Variants in MCF2L observed in about 807,000 individuals in gnomAD.
The protein encoded by MCF2L is guanine nucleotide exchange factor DBS.
In MCF2L, 97 loss-of-function variants were observed where a neutral mutation model predicts 153.4. The observed-to-expected ratio is 0.63, with a 90% CI of 0.54 to 0.75. The LOEUF (loss-of-function observed/expected upper bound fraction) is 0.75. MCF2L is among the 30% of genes least tolerant of loss of function. The pLI, the probability that MCF2L is intolerant of heterozygous loss-of-function variation, is 0.00. For synonymous variants in MCF2L, 659 were observed against 632.2 expected, an observed-to-expected ratio of 1.04 and a Z score of -0.64; for missense variants, 1,347 against 1,495.2, an observed-to-expected ratio of 0.90 and a Z score of 1.64.
chr13:113,036,043 C>G (rs2086133699), intron 3 of MCF2L, among the ~76,000 whole-genome samples: 1 of 152,108 alleles, frequency 6.6e-6, no homozygotes, highest in African/African-American at 2.4e-5. Context: ...CAGGATTTTG[C>G]ATCACAAACA....
chr13:112,958,363 G>A (rs975609665), intron 2 of MCF2L, among the ~76,000 whole-genome samples: 1 of 152,216 alleles, frequency 6.6e-6, no homozygotes, highest in East Asian at 1.9e-4. Context: ...GCTTCTCCGG[G>A]GGACCCTGTC....
At position 113,012,604 on chromosome 13, in the gene MCF2L, CTG is replaced by C. The variant is rs777605598; in HGVS notation, c.80-2156_80-2155del. Among the ~76,000 whole-genome samples, 2 of 102,732 alleles carry C rather than the reference CTG, an allele frequency of 1.9e-5. 1 individual carries two copies. The highest frequency in any genetic ancestry group is 4.1e-5 in the Non-Finnish European group (2 of 48,794). 67.4% of individuals were successfully genotyped at this position (102,732 alleles called of 152,430 possible). ...GACACTGCAGTGTGGACTGTGGACACTGTGATGCGGACGGTGGACAGGCGGTG... is the reference window on the plus strand; with the variant it reads ...GACACTGCAGTGTGGACTGTGGACACTGATGCGGACGGTGGACAGGCGGTG... On this transcript the variant is annotated intron_variant, in intron 1 of 29. Coordinates refer to ENST00000535094, the MANE Select transcript of MCF2L (RefSeq NM_001112732.3).
Position 112,932,683 on chromosome 13 carries a change from C to T in MCF2L, c.169+30312C>T, listed in dbSNP as rs564691240. Among the ~76,000 whole-genome samples, 3 of 152,218 alleles carry T rather than the reference C, an allele frequency of 2.0e-5. No individual in the cohort carries two copies. Among genetic ancestry groups the T allele is most frequent in the African/African-American group, 4.8e-5 (2 of 41,536 alleles). On this transcript the variant is annotated intron_variant, in intron 2 of 29. Transcript: ENST00000375608. This position sits in a 1 kb window ranked among gnomAD's most constrained non-coding sequence, Gnocchi z 4.6. The stretch of plus-strand genomic sequence containing the variant: ...ACTTAAAAAAGAAGCATCTCAGTAC[C>T]GTCAGTGGGCCTGTGTGGCCCCTCA...
rs201119257 is a variant in MCF2L, at chr13:113,064,463, G to C, written c.606+43G>C. 1 of 1,239,374 alleles carries C rather than the reference G, an allele frequency of 8.1e-7. No individual in the cohort carries two copies. The highest frequency in any genetic ancestry group is 1.2e-6 in the Non-Finnish European group (1 of 845,798). The allele number at this position is 1,239,374 out of a possible 1,614,324, so 76.8% of individuals were successfully genotyped here. ...CAGCGGGGCTGGCTGATACCAGCTCGAGTACTTCCACAGAATCGCTCTTGC... is the reference window on the plus strand; with the variant it reads ...CAGCGGGGCTGGCTGATACCAGCTCCAGTACTTCCACAGAATCGCTCTTGC... On this transcript the variant is annotated intron_variant, in intron 6 of 29. Coordinates refer to ENST00000535094, the MANE Select transcript of MCF2L (RefSeq NM_001112732.3). The surrounding 1 kb of genome is among the most constrained non-coding windows in gnomAD (Gnocchi z 6.0).
At chr13:113,089,268 G>A (rs899232604) in intron 25 of MCF2L, among the ~76,000 whole-genome samples, 1 of 135,192 alleles carries the variant, frequency 7.4e-6, no homozygotes, top group Non-Finnish European at 1.6e-5. Context: ...ACTTAGAAGT[G>A]TGTGGCCCCT....
chr13:112,898,953 C>CT (rs1328509366), intron 1 of MCF2L, among the ~76,000 whole-genome samples: 3 of 152,220 alleles, frequency 2.0e-5, no homozygotes, highest in Admixed American at 6.5e-5. Flanking sequence ...CCTGTGCCCC[C>CT]TCCCAGGGAG....
chr13:112,973,757 C>A (rs1304885412), intron 1 of MCF2L, among the ~76,000 whole-genome samples: 1 of 152,204 alleles, frequency 6.6e-6, no homozygotes, highest in Non-Finnish European at 1.5e-5. Flanking sequence ...CTTGGAGCGC[C>A]CTTCAGGGAG....
chr13:113,060,075 G>T (rs539975828), intron 4 of MCF2L, among the ~76,000 whole-genome samples: 1 of 152,132 alleles, frequency 6.6e-6, no homozygotes, highest in South Asian at 2.1e-4. Context: ...CTCTCTGCTC[G>T]AGGCCTCTCC....
intron 1 of MCF2L, among the ~76,000 whole-genome samples, chr13:112,971,809 G>A (rs953541521): frequency 6.6e-6 from 1 of 152,198 alleles, no homozygotes. Context: ...CCCCTTCTAT[G>A]TGATAGGGCT....
chr13:113,028,425 G>A lies in MCF2L; in HGVS notation c.278+3667G>A, dbSNP rs1204204001. ...CCCCACTTGTCTGTCTGCTTCTCCT[G>A]AGATCCAGGAATCTCAGATGGGTCC... On this transcript the variant is annotated intron_variant, in intron 3 of 29. Transcript: ENST00000535094. This position sits in a 1 kb window ranked among gnomAD's most constrained non-coding sequence, Gnocchi z 5.4. 6.6e-6 allele frequency among the ~76,000 whole-genome samples: 1 copy of A among 152,200 alleles called. No individual in the cohort carries two copies. The highest frequency in any genetic ancestry group is 1.5e-5 in the Non-Finnish European group (1 of 68,036).
At chr13:113,087,658 CA>C (rs2034762126) in intron 22 of MCF2L, 48 bp from the exon 23 acceptor site, 1 of 1,470,804 alleles carries the variant, frequency 6.8e-7, no homozygotes, top group African/African-American at 1.4e-5. Context: ...AAAAACAAGG[CA>C]GTGGGTTCAC....
In MCF2L at chr13:113,060,636, C is replaced by T. The variant is rs935650846; in HGVS notation, c.413C>T (p.Pro138Leu). 3 of 1,613,646 alleles carry T rather than the reference C, an allele frequency of 1.9e-6. No individual in the cohort carries two copies. Among genetic ancestry groups the T allele is most frequent in the Non-Finnish European group, 2.5e-6 (3 of 1,179,988 alleles). The change falls in exon 5 of 30, where the codon CCG becomes CTG. Residue 138 changes from proline to leucine, a missense_variant. Coordinates refer to ENST00000535094, the MANE Select transcript of MCF2L (RefSeq NM_001112732.3). ...CTGCAGCTCGTCCTCGTGCTTCGCC[C>T]GACGGGTTTTTTCCAAAGGACTCTC... ...ANLQLVLVLR[P>L]TGFFQRTLSD...
intron 2 of MCF2L, among the ~76,000 whole-genome samples, chr13:112,948,189 C>T (rs770273764): frequency 1.1e-3 from 167 of 152,272 alleles, no homozygotes; most frequent in Middle Eastern, 3.4e-3. Flanking sequence ...CCCTTGGGGC[C>T]GTTAGTCCAT....
rs576808641 is a variant in MCF2L, at chr13:113,062,514, G to A, written c.490-1790G>A. 7.3e-4 allele frequency among the ~76,000 whole-genome samples: 111 copies of A among 152,134 alleles called. 1 individual carries two copies. Among genetic ancestry groups the A allele is most frequent in the African/African-American group, 2.6e-3 (109 of 41,508 alleles). ...CAGACGTGTCACGGGGAGCAAGACCGACCTCACGGGTCATCCATGCCACAG... is the reference window on the plus strand; with the variant it reads ...CAGACGTGTCACGGGGAGCAAGACCAACCTCACGGGTCATCCATGCCACAG... On this transcript the variant is annotated intron_variant, in intron 5 of 29. Transcript: ENST00000535094.
rs537547378 is a variant in MCF2L, at chr13:112,979,033, C to T, written c.79+9575C>T. Reference sequence around the variant, plus strand: ...GAGGGTGGGAGCTGCTGGCTTGGGACGGGCTCAACACCTCTTGGGGAAAAG... The same window carrying T: ...GAGGGTGGGAGCTGCTGGCTTGGGATGGGCTCAACACCTCTTGGGGAAAAG... On this transcript the variant is annotated intron_variant, in intron 1 of 29. Coordinates refer to ENST00000535094, the MANE Select transcript of MCF2L (RefSeq NM_001112732.3). Among the ~76,000 whole-genome samples the T allele has an allele frequency of 1.3e-3, 205 of 152,304 alleles. 1 individual carries two copies. The highest frequency in any genetic ancestry group is 1.2e-3 in the Non-Finnish European group (83 of 68,008).
intron 1 of MCF2L, among the ~76,000 whole-genome samples, chr13:112,973,497 C>T (rs993441525): frequency 2.6e-5 from 4 of 152,178 alleles, no homozygotes; most frequent in East Asian, 1.9e-4. Context: ...GTGAGGAAAC[C>T]GTGAGTCCTC....
chr13:112,925,125 T>C (rs1233179358), intron 2 of MCF2L, among the ~76,000 whole-genome samples: 1 of 152,210 alleles, frequency 6.6e-6, no homozygotes, highest in Non-Finnish European at 1.5e-5. Flanking sequence ...AATAGGCATA[T>C]CCAATAAGCA....
intron 2 of MCF2L, among the ~76,000 whole-genome samples, chr13:112,961,617 T>C (rs1407983956): frequency 2.0e-5 from 3 of 152,238 alleles, no homozygotes; most frequent in Non-Finnish European, 4.4e-5. Flanking sequence ...CTTCCTGCCA[T>C]GGCCTGGCCG....
In MCF2L at chr13:113,098,354, A is replaced by C. The variant is rs1372667199; in HGVS notation, c.*1495A>C. 3 of 152,576 alleles carry C rather than the reference A, an allele frequency of 2.0e-5. No individual in the cohort carries two copies. The highest frequency in any genetic ancestry group is 7.2e-5 in the African/African-American group (3 of 41,464). 9.5% of individuals were successfully genotyped at this position (152,576 alleles called of 1,614,324 possible). ...CGTGCTGTGTCCCGCGATGTCCCTGATGTACTGTGCAGGCGCGGTGCCTCC... is the reference window on the plus strand; with the variant it reads ...CGTGCTGTGTCCCGCGATGTCCCTGCTGTACTGTGCAGGCGCGGTGCCTCC... On this transcript the variant is annotated 3_prime_UTR_variant, in exon 30 of 30. Transcript: ENST00000535094.
Sources: gnomAD v4.1 joint callset for allele counts (sites outside exome capture counted in the v4.1 genomes callset) on GRCh38, gnomAD v4.1.1 for gene constraint, Gnocchi (gnomAD v3.1) non-coding constraint, MANE v1.5 for transcripts, NCBI Gene and HGNC (gene_info 2026-07-23, HGNC 2026-07-21) for gene names.